UBE3A: variants seen among roughly 807,000 people sequenced by gnomAD.
UBE3A encodes ubiquitin-protein ligase E3A.
In UBE3A, 6 loss-of-function variants were observed where a neutral mutation model predicts 83.4. The observed-to-expected ratio is 0.07, with a 90% CI of 0.04 to 0.14. UBE3A has a LOEUF of 0.14. UBE3A is among the 10% of genes least tolerant of loss of function. The probability of loss-of-function intolerance (pLI) is 1.00; values close to 1 mark genes in which losing one functional copy is unlikely to be tolerated. For missense variants in UBE3A, 456 were observed against 1,036.1 expected (o/e 0.44, Z 7.69); for synonymous variants, 337 against 355.4 (o/e 0.95, Z 0.58).
At position 25,339,099 on chromosome 15, in the gene UBE3A, T is replaced by TC. The variant is rs1336753859; in HGVS notation, c.*37dup. 11 of 1,490,554 alleles carry TC rather than the reference T, an allele frequency of 7.4e-6. No individual in the cohort carries two copies. Among genetic ancestry groups the TC allele is most frequent in the Non-Finnish European group, 8.9e-6 (10 of 1,125,016 alleles). The allele number at this position is 1,490,554 out of a possible 1,614,324, so 92.3% of individuals were successfully genotyped here. ...ATTTTTTAAATTTTTTCTTTTTTTTTCCTTCCTTTTTTTTGTTTTATTTTG... is the reference window on the plus strand; with the variant it reads ...ATTTTTTAAATTTTTTCTTTTTTTTTCCCTTCCTTTTTTTTGTTTTATTTTG... On this transcript the variant is annotated 3_prime_UTR_variant, in exon 13 of 13. Transcript: ENST00000648336.
In UBE3A at chr15:25,377,832, T is replaced by C. The variant is rs565343799; in HGVS notation, c.63-2069A>G. On this transcript the variant is annotated intron_variant, in intron 4 of 12. Transcript: ENST00000648336. ...AGGTCACACAATAAAATAAAAACTATCAAGATTTGAATTCGACAAAGAACT... is the reference window on the plus strand; with the variant it reads ...AGGTCACACAATAAAATAAAAACTACCAAGATTTGAATTCGACAAAGAACT... Among the ~76,000 whole-genome samples the C allele has an allele frequency of 2.6e-5, 4 of 152,248 alleles. No homozygotes were observed. In the East Asian group the frequency reaches 7.7e-4, roughly 29 times the overall value.
rs762172890 is a variant in UBE3A, at chr15:25,371,406, T to G, written c.768A>C (p.Ala256=). ...NEKIETAFLN[A]LVYLSPNVEC... ...CCACGTTAGGTGACAAATATACAAG[T>G]GCATTGAGAAAGGCAGTTTCAATTT... is the stretch of plus-strand genomic sequence containing the variant. Residue 256 remains alanine (A), a synonymous_variant, in exon 6 of 13, where the codon GCA becomes GCC. Transcript: ENST00000648336. This position sits in a 1 kb window ranked among gnomAD's most constrained non-coding sequence, Gnocchi z 5.3. The G allele has an allele frequency of 1.9e-6, 3 of 1,614,168 alleles. No homozygotes were observed. In the South Asian group the frequency reaches 3.3e-5, roughly 18 times the overall value.
chr15:25,431,770 C>T (rs1048144187), intron 1 of UBE3A, among the ~76,000 whole-genome samples: 3 of 152,112 alleles, frequency 2.0e-5, no homozygotes, highest in East Asian at 1.9e-4. Flanking sequence ...GTATCACATA[C>T]CATAGATGCA....
In UBE3A at chr15:25,398,809, ATATAT is replaced by A. The variant is rs1448994338; in HGVS notation, c.62+6647_62+6651del. On this transcript the variant is annotated intron_variant, in intron 4 of 12. Transcript: ENST00000648336. ...TATATATATATATATATATATATAT[ATATAT>A]AAAAATACATATATATCCAAGTGTG... is the stretch of plus-strand genomic sequence containing the variant. Among the ~76,000 whole-genome samples, 13 of 71,326 alleles carry A rather than the reference ATATAT, an allele frequency of 1.8e-4. 1 individual carries two copies. Among genetic ancestry groups the A allele is most frequent in the Admixed American group, 1.3e-3 (7 of 5,290 alleles). 46.8% of individuals were successfully genotyped at this position (71,326 alleles called of 152,430 possible). A position where few individuals can be genotyped will look rare whatever the true frequency, so the allele number is the denominator to read the frequency against.
intron 4 of UBE3A, among the ~76,000 whole-genome samples, chr15:25,378,940 T>G (rs1264879496): frequency 2.0e-5 from 3 of 152,258 alleles, no homozygotes; most frequent in Non-Finnish European, 1.5e-5. Flanking sequence ...GCTATGCATT[T>G]TATAGACATT....
Position 25,337,903 on chromosome 15 carries a change from C to T in UBE3A, c.*1234G>A, listed in dbSNP as rs750065009. On this transcript the variant is annotated 3_prime_UTR_variant, in exon 13 of 13. Coordinates refer to ENST00000648336, the MANE Select transcript of UBE3A (RefSeq NM_130839.5). The stretch of plus-strand genomic sequence containing the variant: ...TAATGTAAACCTACTTGTACTTTTC[C>T]ATAGTACATGAAAGTAACGTTTAAC... 1.3e-5 allele frequency: 2 copies of T among 152,040 alleles called. No homozygotes were observed. The highest frequency in any genetic ancestry group is 2.9e-5 in the Non-Finnish European group (2 of 67,974). 9.4% of individuals were successfully genotyped at this position (152,040 alleles called of 1,614,324 possible).
chr15:25,412,891 C>T, intron 1 of UBE3A: 1 of 293,660 alleles, frequency 3.4e-6, no homozygotes. Flanking sequence ...ACTACTTGGG[C>T]TCTACTCGCA....
chr15:25,355,814 C>T, intron 9 of UBE3A, 78 bp downstream of exon 9: 3 of 1,355,474 alleles, frequency 2.2e-6, no homozygotes, highest in Middle Eastern at 2.6e-4. Flanking sequence ...ATATTAGATA[C>T]TTCTTTAAAA....
At position 25,409,305 on chromosome 15, in the gene UBE3A, T is replaced by C. The variant is rs529099884; in HGVS notation, c.-100-98A>G. 132 of 455,212 alleles carry C rather than the reference T, an allele frequency of 2.9e-4. 1 individual carries two copies. The highest frequency in any genetic ancestry group is 4.6e-4 in the Non-Finnish European group (116 of 251,588). The allele number at this position is 455,212 out of a possible 1,614,324, so 28.2% of individuals were successfully genotyped here. A position where few individuals can be genotyped will look rare whatever the true frequency, so the allele number is the denominator to read the frequency against. On this transcript the variant is annotated intron_variant, in intron 2 of 12. Coordinates refer to ENST00000648336, the MANE Select transcript of UBE3A (RefSeq NM_130839.5). ...TTCAAAGCTTCAAATTAGGTGTCAA[T>C]GTAAAATTCATCAGAAGAGTAATTA...
chr15:25,412,082 T>C (rs1327956683), intron 1 of UBE3A, 111 bp from the exon 2 acceptor site: 3 of 152,170 alleles, frequency 2.0e-5, no homozygotes, highest in African/African-American at 7.2e-5. Flanking sequence ...TCTATAATTA[T>C]GAACATCCAA....
intron 4 of UBE3A, among the ~76,000 whole-genome samples, chr15:25,401,283 G>T (rs560109247): frequency 6.6e-6 from 1 of 152,090 alleles, no homozygotes; most frequent in African/African-American, 2.4e-5. Flanking sequence ...GAGAGTTCTT[G>T]TCTGGCTTTG....
chr15:25,425,270 G>C (rs1032808838), intron 1 of UBE3A, among the ~76,000 whole-genome samples: 1 of 152,112 alleles, frequency 6.6e-6, no homozygotes, highest in Non-Finnish European at 1.5e-5. Context: ...TAAATTCATA[G>C]AGACAAAGCA....
At chr15:25,380,317 T>C (rs911109254) in intron 4 of UBE3A, among the ~76,000 whole-genome samples, 1 of 152,156 alleles carries the variant, frequency 6.6e-6, no homozygotes, top group African/African-American at 2.4e-5. Flanking sequence ...ATATAGTTTA[T>C]GGCTGTTTTT....
At chr15:25,402,870 T>C (rs1487387016) in intron 4 of UBE3A, among the ~76,000 whole-genome samples, 2 of 152,224 alleles carry the variant, frequency 1.3e-5, no homozygotes, top group African/African-American at 4.8e-5. Flanking sequence ...GTTGTTCAAA[T>C]TGATGGTTCT....
intron 4 of UBE3A, among the ~76,000 whole-genome samples, chr15:25,381,203 A>G (rs1258674498): frequency 6.6e-6 from 1 of 152,196 alleles, no homozygotes; most frequent in Admixed American, 6.5e-5. Flanking sequence ...ATTTGTGTTC[A>G]ATGTTTTTTT....
chr15:25,338,976 G>T lies in UBE3A; in HGVS notation c.*161C>A. On this transcript the variant is annotated 3_prime_UTR_variant, in exon 13 of 13. Transcript: ENST00000648336. Reference sequence around the variant, plus strand: ...CACATGTCCCCAATAAAGAAGGGAGGCACAGACATAGGTGACTACTGTGGT... The same window carrying T: ...CACATGTCCCCAATAAAGAAGGGAGTCACAGACATAGGTGACTACTGTGGT... The T allele has an allele frequency of 1.6e-6, 1 of 625,458 alleles. No individual in the cohort carries two copies. Among genetic ancestry groups the T allele is most frequent in the Non-Finnish European group, 2.4e-6 (1 of 413,958 alleles). 38.7% of individuals were successfully genotyped at this position (625,458 alleles called of 1,614,324 possible).
At chr15:25,355,785 T>G (rs962203182) in intron 9 of UBE3A, 107 bp downstream of exon 9, 14 of 950,658 alleles carry the variant, frequency 1.5e-5, no homozygotes, top group South Asian at 3.5e-5. Flanking sequence ...TAGTTACTTG[T>G]TTTTTTTTTG....
intron 1 of UBE3A, among the ~76,000 whole-genome samples, chr15:25,431,558 G>T (rs965407506): frequency 2.0e-5 from 3 of 152,060 alleles, no homozygotes; most frequent in African/African-American, 7.2e-5. Flanking sequence ...GGCCAGGCTG[G>T]TCTCGAACTC....
intron 4 of UBE3A, among the ~76,000 whole-genome samples, chr15:25,390,309 G>A (rs12903964): frequency 0.12 from 18,200 of 152,006 alleles, 1,161 homozygotes; most frequent in Middle Eastern, 0.23. Context: ...ACAGAAAGTC[G>A]CTGAAAACCT....
Sources: allele counts gnomAD v4.1 joint callset (sites outside exome capture counted in the v4.1 genomes callset), GRCh38; gene constraint gnomAD v4.1.1; non-coding constraint Gnocchi (gnomAD v3.1); transcripts MANE v1.5; gene names NCBI Gene and HGNC (gene_info 2026-07-23, HGNC 2026-07-21).